POLA1: variants seen among roughly 807,000 people sequenced by gnomAD.
The protein encoded by POLA1 is DNA polymerase alpha 1, catalytic subunit.
Under a neutral mutation model 124.0 loss-of-function variants are expected in POLA1, and 15 were observed. That is an observed-to-expected ratio of 0.12 (90% CI 0.08 to 0.19). POLA1 has a LOEUF of 0.19. Among genes scored for constraint, POLA1 ranks in the 10% least tolerant of loss-of-function variants. POLA1 has a pLI of 1.00. For missense variants in POLA1, 886 were observed against 1,103.4 expected (o/e 0.80, Z 2.79); for synonymous variants, 408 against 389.4 (o/e 1.05, Z -0.56).
intron 26 of POLA1, among the ~76,000 whole-genome samples, chrX:24,755,574 C>A (rs907024159): frequency 1.8e-5 from 2 of 111,787 alleles, no homozygotes; most frequent in African/African-American, 6.5e-5. Context: ...TATTCAAAAG[C>A]CAATCCTTGT....
At chrX:24,954,499 T>G (rs1457558271) in intron 36 of POLA1, among the ~76,000 whole-genome samples, 1 of 112,575 alleles carries the variant, frequency 8.9e-6, no homozygotes, top group Non-Finnish European at 1.9e-5. Flanking sequence ...AAGCCTCATT[T>G]AATTTCATAC....
Position 24,711,418 on chromosome X carries a change from T to C in POLA1, c.347-3136T>C, listed in dbSNP as rs1465572814. On this transcript the variant is annotated intron_variant, in intron 4 of 36. Coordinates refer to ENST00000379068, the MANE Select transcript of POLA1 (RefSeq NM_001330360.2). ...TTTTAATTATTTATTTCTATGTAGCTGCATAGTATTCCATGATAGGGATTG... is the reference window on the plus strand; with the variant it reads ...TTTTAATTATTTATTTCTATGTAGCCGCATAGTATTCCATGATAGGGATTG... Among the ~76,000 whole-genome samples, 6 of 112,717 alleles carry C rather than the reference T, an allele frequency of 5.3e-5. No homozygotes were observed. The Admixed American group carries it at 5.6e-4, about 11-fold the overall frequency.
chrX:24,925,513 A>G (rs1265123446), intron 35 of POLA1, among the ~76,000 whole-genome samples: 2 of 111,954 alleles, frequency 1.8e-5, no homozygotes, highest in African/African-American at 3.2e-5. Flanking sequence ...TCCCATGCAA[A>G]TATCTTAGAA....
intron 4 of POLA1, among the ~76,000 whole-genome samples, chrX:24,705,566 CTAATA>C (rs952315522): frequency 8.9e-5 from 10 of 111,861 alleles, no homozygotes; most frequent in African/African-American, 2.9e-4. Context: ...ATGATATTAT[CTAATA>C]TATTGTCTGT....
chrX:24,996,075 G>A lies in POLA1; in HGVS notation c.*125G>A. 1 of 595,484 alleles carries A rather than the reference G, an allele frequency of 1.7e-6. No homozygotes were observed. The highest frequency in any genetic ancestry group is 2.6e-6 in the Non-Finnish European group (1 of 382,027). The allele number at this position is 595,484 out of a possible 1,213,427, so 49.1% of individuals were successfully genotyped here. A position where few individuals can be genotyped will look rare whatever the true frequency, so the allele number is the denominator to read the frequency against. The stretch of plus-strand genomic sequence containing the variant: ...CCTTGGGACTGTGTCTCATGTTTGT[G>A]TGAATGTAGACCAGGAAAGGGGGCT... On this transcript the variant is annotated 3_prime_UTR_variant, in exon 37 of 37. Transcript: ENST00000379068.
chrX:24,722,991 TA>T (rs1411299253), intron 10 of POLA1, among the ~76,000 whole-genome samples, 163 bp from the exon 11 acceptor site: 1 of 112,686 alleles, frequency 8.9e-6, no homozygotes, highest in Non-Finnish European at 1.9e-5. Flanking sequence ...CAGTACTGAG[TA>T]AAGAACTGGT....
intron 35 of POLA1, among the ~76,000 whole-genome samples, chrX:24,893,768 A>G (rs1290519251): frequency 8.9e-6 from 1 of 112,511 alleles, no homozygotes; most frequent in Non-Finnish European, 1.9e-5. Context: ...TTGAATAGAT[A>G]TGCCACAATG....
chrX:24,737,827 G>C (rs1931371829), intron 19 of POLA1, 86 bp downstream of exon 19: 3 of 436,310 alleles, frequency 6.9e-6, no homozygotes, highest in Non-Finnish European at 1.2e-5. Flanking sequence ...TTTAAAACAG[G>C]AATTGGTTAT....
At chrX:24,951,271 A>G (rs1295451825) in intron 36 of POLA1, among the ~76,000 whole-genome samples, 1 of 91,586 alleles carries the variant, frequency 1.1e-5, no homozygotes, top group African/African-American at 4.0e-5. Flanking sequence ...GGTGATTAGG[A>G]GTAGGCTTAA....
chrX:24,883,550 C>T lies in POLA1; in HGVS notation c.4048-4456C>T, dbSNP rs143820286. ...CAAAAATATAATTTAGTAATCAGAA[C>T]CAATCAACATTTGACACAATTTCAT... On this transcript the variant is annotated intron_variant, in intron 34 of 36. Coordinates refer to ENST00000379068, the MANE Select transcript of POLA1 (RefSeq NM_001330360.2). Among the ~76,000 whole-genome samples, 746 of 112,035 alleles carry T rather than the reference C, an allele frequency of 6.7e-3. 3 individuals carry two copies. The highest frequency in any genetic ancestry group is 0.023 in the African/African-American group (702 of 30,857).
chrX:24,874,527 A>T lies in POLA1; in HGVS notation c.4048-13479A>T, dbSNP rs935271357. Among the ~76,000 whole-genome samples the T allele has an allele frequency of 3.6e-5, 4 of 112,049 alleles. 1 individual carries two copies. The South Asian group carries it at 1.5e-3, about 42-fold the overall frequency. ...GAAAGAGAAAAAGAGTTGAGAGATAATTTTTTAAGTACAATTCTGTTTATG... is the reference window on the plus strand; with the variant it reads ...GAAAGAGAAAAAGAGTTGAGAGATATTTTTTTAAGTACAATTCTGTTTATG... On this transcript the variant is annotated intron_variant, in intron 34 of 36. Coordinates refer to ENST00000379068, the MANE Select transcript of POLA1 (RefSeq NM_001330360.2).
At chrX:24,919,252 C>G (rs1253217415) in intron 35 of POLA1, among the ~76,000 whole-genome samples, 1 of 112,343 alleles carries the variant, frequency 8.9e-6, no homozygotes, top group Admixed American at 9.4e-5. Flanking sequence ...CTGATTCTCT[C>G]TATGCCAGAT....
intron 24 of POLA1, among the ~76,000 whole-genome samples, chrX:24,746,613 G>A (rs1314501278): frequency 8.9e-6 from 1 of 112,178 alleles, no homozygotes; most frequent in Non-Finnish European, 1.9e-5. Flanking sequence ...AGAGCTAGGA[G>A]TGGATTGTAA....
At chrX:24,783,480 C>T (rs2045304143) in intron 26 of POLA1, among the ~76,000 whole-genome samples, 1 of 112,126 alleles carries the variant, frequency 8.9e-6, no homozygotes, top group African/African-American at 3.2e-5. Context: ...CTTACCTACA[C>T]TCTTTTGTAC....
At chrX:24,906,035 G>A (rs966427757) in intron 35 of POLA1, among the ~76,000 whole-genome samples, 2 of 112,078 alleles carry the variant, frequency 1.8e-5, no homozygotes, top group African/African-American at 6.5e-5. Context: ...GTGGTGAAAA[G>A]GGAGCACTCT....
intron 35 of POLA1, among the ~76,000 whole-genome samples, chrX:24,914,236 A>AG (rs2047496658): frequency 9.0e-6 from 1 of 110,585 alleles, no homozygotes; most frequent in Non-Finnish European, 1.9e-5. Context: ...CTATGCAATA[A>AG]TTTTTAAAGT....
intron 26 of POLA1, among the ~76,000 whole-genome samples, chrX:24,790,195 C>CTG (rs1325308254): frequency 8.9e-6 from 1 of 111,829 alleles, no homozygotes; most frequent in Non-Finnish European, 1.9e-5. Context: ...TTCCTGAAAA[C>CTG]TGTGGTTGGA....
chrX:24,917,405 A>T (rs1440227703), intron 35 of POLA1, among the ~76,000 whole-genome samples: 1 of 111,852 alleles, frequency 8.9e-6, no homozygotes, highest in African/African-American at 3.2e-5. Flanking sequence ...AGTGAATTAC[A>T]CATGCATGTG....
At chrX:24,796,861 C>A (rs1041812692) in intron 26 of POLA1, among the ~76,000 whole-genome samples, 12 of 111,322 alleles carry the variant, frequency 1.1e-4, no homozygotes, top group African/African-American at 3.9e-4. Flanking sequence ...GGTTGCCAGC[C>A]TGTTTCCCTT....
Sources: allele counts gnomAD v4.1 joint callset (sites outside exome capture counted in the v4.1 genomes callset), GRCh38; gene constraint gnomAD v4.1.1; transcripts MANE v1.5; gene names NCBI Gene and HGNC (gene_info 2026-07-23, HGNC 2026-07-21).